Variants in C2orf42 observed in about 807,000 individuals in gnomAD.
C2orf42 encodes uncharacterized protein C2orf42.
Under a neutral mutation model 58.9 loss-of-function variants are expected in C2orf42, and 44 were observed. The ratio of observed to expected loss-of-function variants is 0.75; its 90% confidence interval spans 0.59 to 0.96. The LOEUF (loss-of-function observed/expected upper bound fraction) is 0.96. Ranked by LOEUF, C2orf42 falls within the 40% of genes least tolerant of loss-of-function variation. C2orf42 has a pLI of 0.00. For synonymous variants in C2orf42, 239 were observed against 265.4 expected, an observed-to-expected ratio of 0.90 and a Z score of 0.97; for missense variants, 630 against 699.2, an observed-to-expected ratio of 0.90 and a Z score of 1.12.
rs775725062 is a variant in C2orf42, at chr2:70,150,394, A to G, written c.1687T>C (p.Leu563=). The G allele has an allele frequency of 6.2e-7, 1 of 1,614,016 alleles. No individual in the cohort carries two copies. The highest frequency in any genetic ancestry group is 8.5e-7 in the Non-Finnish European group (1 of 1,180,030). ...QDQRPPLDQP[L]ELAPLTTITF... Reference sequence around the variant, plus strand: ...ATAGTGGTCAGAGGGGCCAGTTCCAAGGGCTGGTCCAAGGGGGGCCGCTGG... The same window carrying G: ...ATAGTGGTCAGAGGGGCCAGTTCCAGGGGCTGGTCCAAGGGGGGCCGCTGG... Residue 563 remains leucine, a synonymous_variant, in exon 10 of 10, where the codon TTG becomes CTG. Coordinates refer to ENST00000264434, the MANE Select transcript of C2orf42 (RefSeq NM_017880.3).
chr2:70,181,246 T>C lies in C2orf42; in HGVS notation c.740A>G (p.His247Arg). 1 of 1,607,690 alleles carries C rather than the reference T, an allele frequency of 6.2e-7. No individual in the cohort carries two copies. The highest frequency in any genetic ancestry group is 8.5e-7 in the Non-Finnish European group (1 of 1,174,756). Residue 247 changes from histidine to arginine, a missense_variant, in exon 3 of 10, where the codon CAT (histidine) becomes CGT (arginine). Coordinates refer to ENST00000264434, the MANE Select transcript of C2orf42 (RefSeq NM_017880.3). ...AAAGGCACAGATGCAAGCAAAGAAA[T>C]GAATGCATCTCTGGGCTGTCTCATC... ...SKDETAQRCIHFFACICAFAS... is the reference protein window; with the variant it reads ...SKDETAQRCIRFFACICAFAS...
Position 70,150,427 on chromosome 2 carries a change from A to G in C2orf42, c.1654T>C (p.Tyr552His), listed in dbSNP as rs753339503. The G allele has an allele frequency of 5.0e-6, 8 of 1,613,756 alleles. No homozygotes were observed. The African/African-American group carries it at 1.1e-4, about 22-fold the overall frequency. The change falls in exon 10 of 10, where the codon TAC (tyrosine) becomes CAC (histidine). Residue 552 changes from tyrosine to histidine, a missense_variant. By Grantham distance (83) the Tyr-to-His change is moderately conservative. Transcript: ENST00000264434. ...GHHRNGHVAE[Y>H]QDQRPPLDQP... ...TCCAAGGGGGGCCGCTGGTCTTGGT[A>G]CTCCGCCACATGCCCATTCCGGTGG...
chr2:70,159,188 C>G (rs1028580907), intron 9 of C2orf42, among the ~76,000 whole-genome samples: 29 of 152,046 alleles, frequency 1.9e-4, no homozygotes, highest in Non-Finnish European at 2.9e-4. Context: ...GCCCGGCCCT[C>G]GGCGGAGTAT....
chr2:70,169,329 T>C (rs536486329), intron 6 of C2orf42, among the ~76,000 whole-genome samples: 47 of 152,158 alleles, frequency 3.1e-4, no homozygotes, highest in African/African-American at 1.1e-3. Flanking sequence ...CCTTTACTTA[T>C]TATTTGCTAT....
At chr2:70,156,099 G>A (rs1672657193) in intron 9 of C2orf42, among the ~76,000 whole-genome samples, 1 of 152,048 alleles carries the variant, frequency 6.6e-6, no homozygotes, top group East Asian at 1.9e-4. Flanking sequence ...AGGTTGCGGT[G>A]AGCCGAGATT....
chr2:70,150,681 G>T, intron 9 of C2orf42, 117 bp from the exon 10 acceptor site: 1 of 675,398 alleles, frequency 1.5e-6, no homozygotes, highest in Non-Finnish European at 2.6e-6. Context: ...TCAGAAGGCC[G>T]AATGAGGTTT....
intron 9 of C2orf42, among the ~76,000 whole-genome samples, chr2:70,156,408 C>A (rs1461081451): frequency 2.0e-5 from 3 of 151,842 alleles, no homozygotes; most frequent in Non-Finnish European, 4.4e-5. Context: ...TCACTTGAAC[C>A]CAGGAGTTCA....
At chr2:70,158,254 A>C (rs1351663625) in intron 9 of C2orf42, among the ~76,000 whole-genome samples, 2 of 151,988 alleles carry the variant, frequency 1.3e-5, no homozygotes, top group Non-Finnish European at 2.9e-5. Flanking sequence ...CAAAATAATA[A>C]AACTAGAAAT....
At chr2:70,177,614 T>C (rs1194728230) in intron 4 of C2orf42, among the ~76,000 whole-genome samples, 1 of 152,176 alleles carries the variant, frequency 6.6e-6, no homozygotes, top group Non-Finnish European at 1.5e-5. Flanking sequence ...ATATTTCCTA[T>C]AGGTAGGACC....
rs1311824476 is a variant in C2orf42, at chr2:70,181,537, G to A, written c.449C>T (p.Thr150Ile). The A allele has an allele frequency of 6.2e-7, 1 of 1,613,588 alleles. No homozygotes were observed. The highest frequency in any genetic ancestry group is 1.3e-5 in the African/African-American group (1 of 74,908). ...VNCQAEATPLTLKSSVLNAMQ... is the reference protein window; with the variant it reads ...VNCQAEATPLILKSSVLNAMQ... ...TGCATTCAGGACCGAGCTCTTCAGG[G>A]TCAGAGGGGTGGCCTCTGCCTGGCA... Residue 150 changes from threonine to isoleucine, a missense_variant, in exon 3 of 10, where the codon ACC becomes ATC. Physicochemically the swap from Thr to Ile is moderately conservative, Grantham distance 89. Transcript: ENST00000264434.
At chr2:70,156,588 G>A (rs748055716) in intron 9 of C2orf42, among the ~76,000 whole-genome samples, 226 of 152,150 alleles carry the variant, frequency 1.5e-3, no homozygotes, top group Admixed American at 2.4e-3. Context: ...GGCCAGGCAT[G>A]GTGGCTTATG....
intron 5 of C2orf42, among the ~76,000 whole-genome samples, chr2:70,174,218 GA>G (rs1674032433): frequency 6.6e-6 from 1 of 152,090 alleles, no homozygotes; most frequent in African/African-American, 2.4e-5. Context: ...TAAAACAGGA[GA>G]ATCGCTTGAA....
In C2orf42 at chr2:70,150,023, C is replaced by T. The variant is rs185114264; in HGVS notation, c.*333G>A. 10 of 343,560 alleles carry T rather than the reference C, an allele frequency of 2.9e-5. No individual in the cohort carries two copies. Among genetic ancestry groups the T allele is most frequent in the Non-Finnish European group, 5.5e-5 (10 of 180,230 alleles). The allele number at this position is 343,560 out of a possible 1,614,324, so 21.3% of individuals were successfully genotyped here. On this transcript the variant is annotated 3_prime_UTR_variant, in exon 10 of 10. Transcript: ENST00000264434. ...ACTGTTGGTGTATGGCTGAGTGCTG[C>T]AGATTTCTCAGAGAATTAGCAAAAG...
At chr2:70,158,442 ATTTATTTGTTTG>A (rs920109783) in intron 9 of C2orf42, among the ~76,000 whole-genome samples, 2 of 151,198 alleles carry the variant, frequency 1.3e-5, no homozygotes, top group African/African-American at 4.9e-5. Context: ...TTATTTATTT[ATTTATTTGTTTG>A]TTTGTTTGTT....
intron 8 of C2orf42, among the ~76,000 whole-genome samples, chr2:70,164,409 G>A (rs1673265353): frequency 6.6e-6 from 1 of 151,910 alleles, no homozygotes. Flanking sequence ...CAGTTTGGGA[G>A]GATCATGAGG....
At chr2:70,175,863 A>G (rs1268144563) in intron 4 of C2orf42, 86 bp from the exon 5 acceptor site, 1 of 858,152 alleles carries the variant, frequency 1.2e-6, no homozygotes, top group Admixed American at 1.8e-5. Flanking sequence ...TAAAACATAT[A>G]AACAGTCTTT....
intron 9 of C2orf42, among the ~76,000 whole-genome samples, chr2:70,153,196 A>G (rs1672417797): frequency 6.6e-6 from 1 of 151,998 alleles, no homozygotes; most frequent in Non-Finnish European, 1.5e-5. Context: ...ATTATTAGCA[A>G]TGAAGGAGGC....
At chr2:70,166,094 T>C (rs1011314390) in intron 6 of C2orf42, among the ~76,000 whole-genome samples, 11 of 151,840 alleles carry the variant, frequency 7.2e-5, no homozygotes, top group African/African-American at 1.7e-4. Context: ...TTTCACCATG[T>C]TGGCCAGGCT....
intron 5 of C2orf42, among the ~76,000 whole-genome samples, chr2:70,173,090 A>T (rs1375507570): frequency 6.6e-6 from 1 of 151,884 alleles, no homozygotes; most frequent in Non-Finnish European, 1.5e-5. Context: ...CTGGGAGGCG[A>T]AGGTTGCAGT....
Sources: gnomAD v4.1 joint callset for allele counts (sites outside exome capture counted in the v4.1 genomes callset) on GRCh38, gnomAD v4.1.1 for gene constraint, MANE v1.5 for transcripts, NCBI Gene and HGNC (gene_info 2026-07-23, HGNC 2026-07-21) for gene names.